The following TNNI3K variants were observed in gnomAD, a reference collection of about 807,000 sequenced individuals.
TNNI3K encodes the protein TNNI3 interacting kinase, also known as serine/threonine-protein kinase TNNI3K.
In TNNI3K, 140 loss-of-function variants were observed where a neutral mutation model predicts 114.5. The ratio of observed to expected loss-of-function variants is 1.22; its 90% CI spans 1.07 to 1.41. TNNI3K has a LOEUF of 1.41. TNNI3K is among the 40% of genes most tolerant of loss of function. TNNI3K has a pLI of 0.00. For synonymous variants in TNNI3K, 347 were observed against 347.5 expected, an observed-to-expected ratio of 1.00 and a Z score of 0.02; for missense variants, 1,125 against 1,007.6, an observed-to-expected ratio of 1.12 and a Z score of -1.58.
intron 23 of TNNI3K, among the ~76,000 whole-genome samples, chr1:74,526,214 G>A (rs1293860463): frequency 6.6e-6 from 1 of 152,124 alleles, no homozygotes; most frequent in African/African-American, 2.4e-5. Flanking sequence ...ATTTCTTGCA[G>A]GGATGTGAAT....
intron 11 of TNNI3K, among the ~76,000 whole-genome samples, chr1:74,363,971 GTATTAT>G (rs368456076): frequency 1.1e-3 from 155 of 135,492 alleles, no homozygotes; most frequent in African/African-American, 2.8e-3. Flanking sequence ...CAGATGAGGG[GTATTAT>G]TATTATTATT....
rs1292186211 is a variant in TNNI3K at position 74,354,207 on chromosome 1, C to G, written c.1177+78C>G. 9.5e-6 allele frequency: 15 copies of G among 1,575,554 alleles called. No homozygotes were observed. In the East Asian group the frequency reaches 3.4e-4, roughly 35 times the overall value. The stretch of plus-strand genomic sequence containing the variant: ...GATTATGTCAGTGCATCAATAATTA[C>G]TTTGCTTGCATGACTTGAACACTCT... On this transcript the variant is annotated intron_variant, in intron 11 of 24. Coordinates refer to ENST00000326637, the MANE Select transcript of TNNI3K (RefSeq NM_015978.3).
chr1:74,299,287 T>A (rs942286847), intron 5 of TNNI3K, among the ~76,000 whole-genome samples: 1 of 152,152 alleles, frequency 6.6e-6, no homozygotes, highest in Non-Finnish European at 1.5e-5. Flanking sequence ...ACATTGAAGT[T>A]TATTTTTTGT....
chr1:74,295,335 T>C (rs559519682), intron 5 of TNNI3K, among the ~76,000 whole-genome samples: 1 of 152,204 alleles, frequency 6.6e-6, no homozygotes, highest in Non-Finnish European at 1.5e-5. Flanking sequence ...ATGTCCATTC[T>C]TCAGTTCCTG....
chr1:74,330,204 T>G (rs757350394), intron 5 of TNNI3K, among the ~76,000 whole-genome samples: 49 of 152,078 alleles, frequency 3.2e-4, no homozygotes, highest in Non-Finnish European at 5.9e-4. Context: ...ATTGATTATT[T>G]TGAGCTACAG....
At chr1:74,534,317 T>G (rs1172844919) in intron 23 of TNNI3K, among the ~76,000 whole-genome samples, 1 of 152,156 alleles carries the variant, frequency 6.6e-6, no homozygotes, top group Admixed American at 6.5e-5. Context: ...AAGAATGTGA[T>G]TTTAAAAAAA....
intron 23 of TNNI3K, among the ~76,000 whole-genome samples, chr1:74,507,145 C>G (rs1669945058): frequency 6.6e-6 from 1 of 151,862 alleles, no homozygotes; most frequent in Non-Finnish European, 1.5e-5. Flanking sequence ...TCAAGGCAAG[C>G]ACAATCCAAG....
chr1:74,428,960 G>A (rs12061631), intron 17 of TNNI3K, among the ~76,000 whole-genome samples: 2 of 151,954 alleles, frequency 1.3e-5, no homozygotes, highest in East Asian at 1.9e-4. Context: ...ACAGAATGTC[G>A]GGTGAGGCTT....
At chr1:74,425,721 T>C (rs977285858) in intron 17 of TNNI3K, among the ~76,000 whole-genome samples, 7 of 151,998 alleles carry the variant, frequency 4.6e-5, no homozygotes, top group Admixed American at 2.0e-4. Flanking sequence ...TCCTGAAATA[T>C]GGGGATATTT....
chr1:74,504,943 G>A (rs1182423071), intron 23 of TNNI3K, among the ~76,000 whole-genome samples: 1 of 152,104 alleles, frequency 6.6e-6, no homozygotes, highest in Non-Finnish European at 1.5e-5. Context: ...GCGAAGATTC[G>A]CCGGAGGCAA....
intron 20 of TNNI3K, among the ~76,000 whole-genome samples, chr1:74,446,225 T>C (rs543700567): frequency 2.9e-4 from 44 of 152,082 alleles, no homozygotes; most frequent in Admixed American, 1.0e-3. Flanking sequence ...TTGTAATGAT[T>C]GCCATTCTAA....
At chr1:74,408,793 C>G (rs1173872696) in intron 17 of TNNI3K, among the ~76,000 whole-genome samples, 1 of 152,144 alleles carries the variant, frequency 6.6e-6, no homozygotes. Context: ...CAGAATCCTT[C>G]AGACTAAGAT....
At chr1:74,274,931 A>G (rs1289710437) in intron 5 of TNNI3K, among the ~76,000 whole-genome samples, 2 of 152,118 alleles carry the variant, frequency 1.3e-5, no homozygotes, top group Non-Finnish European at 2.9e-5. Context: ...TGTACTAAAA[A>G]TGAAAAAGCA....
chr1:74,439,404 G>A lies in TNNI3K; in HGVS notation c.1879-86G>A, dbSNP rs1225678158. ...CTTTTGAGAGCATCGGGAGAACACA[G>A]TAAATTCTCACTAAGAAGAATGCTA... On this transcript the variant is annotated intron_variant, in intron 19 of 24. Transcript: ENST00000326637. 6 of 1,545,104 alleles carry A rather than the reference G, an allele frequency of 3.9e-6. No homozygotes were observed. In the African/African-American group the frequency reaches 8.3e-5, roughly 21 times the overall value.
intron 11 of TNNI3K, among the ~76,000 whole-genome samples, chr1:74,360,429 G>T (rs750734412): frequency 6.6e-6 from 1 of 151,810 alleles, no homozygotes; most frequent in South Asian, 2.1e-4. Flanking sequence ...CATCATATTC[G>T]CTAGATCACC....
chr1:74,322,060 A>T (rs1285693434), intron 5 of TNNI3K, among the ~76,000 whole-genome samples: 1 of 152,190 alleles, frequency 6.6e-6, no homozygotes, highest in East Asian at 1.9e-4. Flanking sequence ...AGCAAATGTT[A>T]CCATCTAAAA....
At chr1:74,510,565 T>TA (rs1363285512) in intron 23 of TNNI3K, among the ~76,000 whole-genome samples, 58 of 152,318 alleles carry the variant, frequency 3.8e-4, no homozygotes, top group African/African-American at 1.3e-3. Context: ...CTTGAATTTT[T>TA]AAAAAATTAT....
intron 7 of TNNI3K, among the ~76,000 whole-genome samples, chr1:74,340,935 G>C (rs1022841300): frequency 6.6e-6 from 1 of 152,092 alleles, no homozygotes; most frequent in African/African-American, 2.4e-5. Flanking sequence ...AGATTCAAAG[G>C]TTTGTTTGTA....
At chr1:74,279,716 C>T (rs1656888360) in intron 5 of TNNI3K, among the ~76,000 whole-genome samples, 1 of 152,170 alleles carries the variant, frequency 6.6e-6, no homozygotes, top group Non-Finnish European at 1.5e-5. Context: ...AGGGCTCATT[C>T]TAGAGCCCAG....
Sources: allele counts gnomAD v4.1 joint callset (sites outside exome capture counted in the v4.1 genomes callset), GRCh38; gene constraint gnomAD v4.1.1; transcripts MANE v1.5; gene names NCBI Gene and HGNC (gene_info 2026-07-23, HGNC 2026-07-21).